Variants in ITGAE observed in about 807,000 individuals in gnomAD.
The protein encoded by ITGAE is integrin alpha-E.
A neutral mutation model predicts 136.5 loss-of-function variants in ITGAE; 99 were observed. The ratio of observed to expected loss-of-function variants is 0.73; its 90% CI spans 0.62 to 0.86. The LOEUF (loss-of-function observed/expected upper bound fraction) is 0.86. Among genes scored for constraint, ITGAE ranks in the 40% least tolerant of loss-of-function variants. The pLI, the probability that ITGAE is intolerant of heterozygous loss-of-function variation, is 0.00. For synonymous variants in ITGAE, 613 were observed against 591.8 expected (o/e 1.04, Z -0.52); for missense variants, 1,447 against 1,515.3 (o/e 0.95, Z 0.75).
chr17:3,786,084 G>T (rs896447890), intron 1 of ITGAE, among the ~76,000 whole-genome samples: 2 of 150,072 alleles, frequency 1.3e-5, no homozygotes, highest in South Asian at 4.2e-4. Context: ...GGAGAATGGC[G>T]TGAACCCGGG....
At chr17:3,783,490 T>C (rs546809309) in intron 1 of ITGAE, among the ~76,000 whole-genome samples, 1 of 152,324 alleles carries the variant, frequency 6.6e-6, no homozygotes, top group East Asian at 1.9e-4. Context: ...CCAATAAACC[T>C]TCATGACAAT....
intron 28 of ITGAE, 22 bp from the exon 29 acceptor site, chr17:3,720,424 G>A: frequency 9.2e-7 from 1 of 1,082,456 alleles, no homozygotes; most frequent in Non-Finnish European, 1.4e-6. Flanking sequence ...GGAAAGGAAT[G>A]AGGGAAACAA....
At chr17:3,784,056 C>G (rs920758653) in intron 1 of ITGAE, among the ~76,000 whole-genome samples, 3 of 152,040 alleles carry the variant, frequency 2.0e-5, no homozygotes, top group African/African-American at 4.8e-5. Context: ...GTCAGGAGAT[C>G]AAGACCATCC....
intron 12 of ITGAE, 151 bp from the exon 13 acceptor site, chr17:3,754,076 G>A: frequency 1.2e-6 from 1 of 830,720 alleles, no homozygotes; most frequent in Non-Finnish European, 1.8e-6. Flanking sequence ...TTAAAAATCG[G>A]CATCAGCGAG....
chr17:3,762,923 T>C (rs2052210585), intron 3 of ITGAE, among the ~76,000 whole-genome samples: 1 of 151,362 alleles, frequency 6.6e-6, no homozygotes, highest in Admixed American at 6.6e-5. Flanking sequence ...TAAACAGTCT[T>C]GCTCTGTTGC....
At chr17:3,800,921 C>T (rs1468454229) in intron 1 of ITGAE, among the ~76,000 whole-genome samples, 190 bp downstream of exon 1, 1 of 152,216 alleles carries the variant, frequency 6.6e-6, no homozygotes, top group East Asian at 1.9e-4. Flanking sequence ...GAAGCCTCAG[C>T]CGCCCTTCCC....
At chr17:3,779,109 A>G (rs1391799439) in intron 1 of ITGAE, among the ~76,000 whole-genome samples, 2 of 152,146 alleles carry the variant, frequency 1.3e-5, no homozygotes, top group African/African-American at 2.4e-5. Context: ...ACTAGAAGGA[A>G]CTTTCTGGAA....
At chr17:3,789,989 C>G (rs1002999477) in intron 1 of ITGAE, among the ~76,000 whole-genome samples, 1 of 152,142 alleles carries the variant, frequency 6.6e-6, no homozygotes, top group African/African-American at 2.4e-5. Flanking sequence ...AAATGAGAGT[C>G]TGATAGACTA....
At position 3,731,119 on chromosome 17, in the gene ITGAE, G is replaced by A; in HGVS notation, c.2819C>T (p.Thr940Ile). Residue 940 changes from threonine (T) to isoleucine (I), a missense_variant, in exon 23 of 31, where the codon ACT becomes ATT. Around this residue, in one of 3 missense-constraint regions of ITGAE, gnomAD observed 1,031 missense variants for 1,011.4 expected, o/e 1.02. Transcript: ENST00000263087. Reference protein sequence around the residue: ...NAFPNRTADITVTVTNSNERR... With the variant: ...NAFPNRTADIIVTVTNSNERR... ...CAGTACTTACTTGGTGACAGTCACA[G>A]TGATGTCTGCTGTCCTGTTTGGAAA... is the stretch of plus-strand genomic sequence containing the variant. 6.2e-7 allele frequency: 1 copy of A among 1,613,398 alleles called. No homozygotes were observed. Among genetic ancestry groups the A allele is most frequent in the Non-Finnish European group, 8.5e-7 (1 of 1,179,460 alleles).
chr17:3,797,514 G>A (rs1369578275), intron 1 of ITGAE, among the ~76,000 whole-genome samples: 3 of 142,730 alleles, frequency 2.1e-5, no homozygotes, highest in Non-Finnish European at 4.5e-5. Flanking sequence ...AGGCTGGAGT[G>A]CAGTGGTGTG....
At chr17:3,779,169 C>T (rs1004358534) in intron 1 of ITGAE, among the ~76,000 whole-genome samples, 1 of 152,052 alleles carries the variant, frequency 6.6e-6, no homozygotes, top group Non-Finnish European at 1.5e-5. Flanking sequence ...CCAAGGTGTG[C>T]ATGTGTCAGA....
At chr17:3,801,043 A>G in intron 1 of ITGAE, 68 bp downstream of exon 1, 1 of 1,542,026 alleles carries the variant, frequency 6.5e-7, no homozygotes, top group Non-Finnish European at 9.0e-7. Context: ...TCAAGGCTGT[A>G]GTCTGCAGAC....
Position 3,729,544 on chromosome 17 carries a change from C to G in ITGAE, c.2846G>C (p.Arg949Thr). Residue 949 changes from arginine (R) to threonine (T), a missense_variant, in exon 24 of 31, where the codon AGA becomes ACA. Arg to Thr is a moderately conservative substitution (Grantham distance 71). Around this residue, in one of 3 missense-constraint regions of ITGAE, gnomAD observed 1,031 missense variants for 1,011.4 expected, o/e 1.02. Coordinates refer to ENST00000263087, the MANE Select transcript of ITGAE (RefSeq NM_002208.5). ...GTGGGTCTCGTTGGCCAAAGACCGT[C>G]TTTCATTGGAACTAGGAATAAGAGT... ...ITVTVTNSNE[R>T]RSLANETHTL... 1 of 1,591,718 alleles carries G rather than the reference C, an allele frequency of 6.3e-7. No homozygotes were observed. Among genetic ancestry groups the G allele is most frequent in the Non-Finnish European group, 8.6e-7 (1 of 1,161,112 alleles).
chr17:3,731,021 C>T (rs1007186276), intron 23 of ITGAE, 83 bp downstream of exon 23: 29 of 1,120,206 alleles, frequency 2.6e-5, no homozygotes, highest in African/African-American at 1.5e-4. Context: ...GTAAGGGGGC[C>T]GTTCCTCTCA....
At chr17:3,748,241 T>A (rs75235049) in intron 16 of ITGAE, among the ~76,000 whole-genome samples, 189 bp from the exon 17 acceptor site, 2 of 151,858 alleles carry the variant, frequency 1.3e-5, no homozygotes, top group Non-Finnish European at 2.9e-5. Context: ...AACAAGCAAA[T>A]AAACGAGAGA....
intron 11 of ITGAE, 94 bp downstream of exon 11, chr17:3,755,736 G>A: frequency 1.0e-6 from 1 of 990,590 alleles, no homozygotes; most frequent in East Asian, 2.7e-5. Context: ...AGGTAGGGCA[G>A]AGCCCTGGAT....
rs999572316 is a variant in ITGAE, at chr17:3,779,904, G to A, written c.35-2244C>T. 3.3e-5 allele frequency among the ~76,000 whole-genome samples: 5 copies of A among 152,314 alleles called. No individual in the cohort carries two copies. The East Asian group carries it at 9.6e-4, about 29-fold the overall frequency. On this transcript the variant is annotated intron_variant, in intron 1 of 30. Coordinates refer to ENST00000263087, the MANE Select transcript of ITGAE (RefSeq NM_002208.5). ...CATGGGAGAAGGTTTATCTCCCCCAGTGTTGCCTGGACTGACTGTGAAGAC... is the reference window on the plus strand; with the variant it reads ...CATGGGAGAAGGTTTATCTCCCCCAATGTTGCCTGGACTGACTGTGAAGAC...
chr17:3,780,171 G>GTT lies in ITGAE; in HGVS notation c.35-2513_35-2512dup, dbSNP rs34188634. 3.7e-4 allele frequency among the ~76,000 whole-genome samples: 45 copies of GTT among 120,514 alleles called. 1 individual carries two copies. Among genetic ancestry groups the GTT allele is most frequent in the African/African-American group, 8.5e-4 (28 of 32,864 alleles). The allele number at this position is 120,514 out of a possible 152,430, so 79.1% of individuals were successfully genotyped here. A position where few individuals can be genotyped will look rare whatever the true frequency, so the allele number is the denominator to read the frequency against. ...GGTTTTTTTGTTTGTTTGTTTATTT[G>GTT]TTTTTTTTTTTTTTTTGGAAATGGA... is the stretch of plus-strand genomic sequence containing the variant. On this transcript the variant is annotated intron_variant, in intron 1 of 30. Coordinates refer to ENST00000263087, the MANE Select transcript of ITGAE (RefSeq NM_002208.5).
intron 21 of ITGAE, 42 bp from the exon 22 acceptor site, chr17:3,732,508 AAAC>A (rs761380038): frequency 6.5e-7 from 1 of 1,539,788 alleles, no homozygotes; most frequent in Admixed American, 1.7e-5. Context: ...GAGCCAAACA[AAAC>A]AAAACAAAAA....
Sources: allele counts gnomAD v4.1 joint callset (sites outside exome capture counted in the v4.1 genomes callset), GRCh38; gene constraint gnomAD v4.1.1; regional missense constraint gnomAD v4.1.1; transcripts MANE v1.5; gene names NCBI Gene and HGNC (gene_info 2026-07-23, HGNC 2026-07-21).